WSCD2: variants seen among roughly 807,000 people sequenced by gnomAD.
WSCD2 encodes the protein sialate:O-sulfotransferase 2.
WSCD2 carries 28 observed loss-of-function variants against 55.7 expected under a neutral mutation model. The observed-to-expected ratio is 0.50, with a 90% confidence interval of 0.37 to 0.69. WSCD2 has a LOEUF of 0.69. Ranked by LOEUF, WSCD2 falls within the 30% of genes least tolerant of loss-of-function variation. The pLI is 0.00. For synonymous variants in WSCD2, 301 were observed against 301.9 expected, an observed-to-expected ratio of 1.00 and a Z score of 0.03; for missense variants, 616 against 762.1, an observed-to-expected ratio of 0.81 and a Z score of 2.26.
chr12:108,197,225 A>T (rs2137053382), intron 2 of WSCD2: 1 of 152,364 alleles, frequency 6.6e-6, no homozygotes, highest in African/African-American at 2.4e-5. Flanking sequence ...GATTCAACTC[A>T]TAAAAAACCC....
chr12:108,154,322 C>T (rs1322651992), intron 1 of WSCD2, among the ~76,000 whole-genome samples: 1 of 152,096 alleles, frequency 6.6e-6, no homozygotes, highest in Non-Finnish European at 1.5e-5. Flanking sequence ...TTGCCTTTCC[C>T]AGCTTCTAGA....
intron 2 of WSCD2, among the ~76,000 whole-genome samples, chr12:108,203,272 A>G (rs1318885875): frequency 6.6e-6 from 1 of 152,234 alleles, no homozygotes; most frequent in South Asian, 2.1e-4. Context: ...TGGATTTTTT[A>G]AATGAATAAT....
At chr12:108,201,639 T>C (rs1884693018) in intron 2 of WSCD2, among the ~76,000 whole-genome samples, 1 of 152,150 alleles carries the variant, frequency 6.6e-6, no homozygotes, top group Non-Finnish European at 1.5e-5. Context: ...TACTGCAGCA[T>C]CATGTGTGGG....
chr12:108,233,118 T>C (rs1390514956), intron 7 of WSCD2: 3 of 515,264 alleles, frequency 5.8e-6, no homozygotes, highest in African/African-American at 5.7e-5. Flanking sequence ...TAGCATCCAT[T>C]CAATAATTGA....
intron 1 of WSCD2, among the ~76,000 whole-genome samples, chr12:108,133,081 G>GA (rs1178238017): frequency 6.6e-6 from 1 of 152,112 alleles, no homozygotes; most frequent in African/African-American, 2.4e-5. Flanking sequence ...GTGGGTGTGT[G>GA]ACTGTGTGTA....
intron 1 of WSCD2, among the ~76,000 whole-genome samples, chr12:108,151,161 A>G (rs1350233145): frequency 6.6e-6 from 1 of 152,032 alleles, no homozygotes; most frequent in Admixed American, 6.5e-5. Flanking sequence ...CTGACCTACC[A>G]TCTACTACAG....
chr12:108,179,208 T>C (rs1277277379), intron 1 of WSCD2, among the ~76,000 whole-genome samples: 2 of 149,120 alleles, frequency 1.3e-5, no homozygotes, highest in Non-Finnish European at 3.0e-5. Context: ...CTGTTAGAAA[T>C]GCACGTTTTC....
chr12:108,239,045 AG>A (rs1889497291), intron 7 of WSCD2, among the ~76,000 whole-genome samples: 1 of 152,214 alleles, frequency 6.6e-6, no homozygotes, highest in Non-Finnish European at 1.5e-5. Flanking sequence ...AGCTTTTGAA[AG>A]GAAAATCTGA....
intron 1 of WSCD2, among the ~76,000 whole-genome samples, chr12:108,185,145 C>G (rs1356020236): frequency 1.3e-5 from 2 of 152,212 alleles, no homozygotes; most frequent in Non-Finnish European, 2.9e-5. Context: ...ATTCTAAATC[C>G]TCCCACAAGC....
intron 4 of WSCD2, among the ~76,000 whole-genome samples, chr12:108,215,526 C>CA (rs1400329254): frequency 9.2e-5 from 14 of 152,108 alleles, no homozygotes; most frequent in Non-Finnish European, 5.9e-5. Context: ...TTTGAATTTC[C>CA]AACAGCCCAC....
At chr12:108,160,465 C>T (rs1878947333) in intron 1 of WSCD2, among the ~76,000 whole-genome samples, 1 of 152,100 alleles carries the variant, frequency 6.6e-6, no homozygotes, top group African/African-American at 2.4e-5. Context: ...AACTTACAGT[C>T]ATAGCAGAAG....
chr12:108,213,721 T>G (rs566677671), intron 4 of WSCD2, among the ~76,000 whole-genome samples: 3 of 152,328 alleles, frequency 2.0e-5, no homozygotes, highest in Non-Finnish European at 4.4e-5. Context: ...AGGAAATGAC[T>G]GGCAGGCATG....
chr12:108,203,493 G>A (rs1430383468), intron 2 of WSCD2, among the ~76,000 whole-genome samples: 1 of 152,140 alleles, frequency 6.6e-6, no homozygotes, highest in Non-Finnish European at 1.5e-5. Context: ...AACACTGGCT[G>A]CTGGGATGGA....
rs190242019 is a variant in WSCD2 at position 108,167,995 on chromosome 12, C to T, written c.-551-27287C>T. ...GCTGCAATCAACTGATGTCCCATTGCTTTTTTCAAATAAATAACAAATTTT... is the reference window on the plus strand; with the variant it reads ...GCTGCAATCAACTGATGTCCCATTGTTTTTTTCAAATAAATAACAAATTTT... On this transcript the variant is annotated intron_variant, in intron 1 of 8. Transcript: ENST00000547525. Among the ~76,000 whole-genome samples, 323 of 152,252 alleles carry T rather than the reference C, an allele frequency of 2.1e-3. 1 individual carries two copies. Among genetic ancestry groups the T allele is most frequent in the African/African-American group, 7.1e-3 (295 of 41,534 alleles).
intron 1 of WSCD2, among the ~76,000 whole-genome samples, chr12:108,188,024 A>G (rs562838206): frequency 1.3e-5 from 2 of 152,368 alleles, no homozygotes; most frequent in Admixed American, 6.5e-5. Flanking sequence ...TTTATTTATA[A>G]CGGACACCAT....
intron 2 of WSCD2, among the ~76,000 whole-genome samples, chr12:108,197,567 G>T (rs368907860): frequency 6.6e-6 from 1 of 152,160 alleles, no homozygotes; most frequent in Non-Finnish European, 1.5e-5. Flanking sequence ...GCTCCTGAGA[G>T]TTCAATGAGA....
At chr12:108,246,946 A>G (rs941469660) in intron 8 of WSCD2, among the ~76,000 whole-genome samples, 1 of 152,162 alleles carries the variant, frequency 6.6e-6, no homozygotes, top group South Asian at 2.1e-4. Context: ...ACAGAATAAT[A>G]TCAGTAATAA....
At position 108,227,001 on chromosome 12, in the gene WSCD2, G is replaced by A; in HGVS notation, c.816G>A (p.Leu272=). The change falls in exon 6 of 9, where the codon CTG becomes CTA. Residue 272 remains leucine (L), a synonymous_variant. Coordinates refer to ENST00000547525, the MANE Select transcript of WSCD2 (RefSeq NM_014653.4). ...CACTCCATCCCCAGGAGTACCCGCT[G>A]GCAGCTCTTGCAGGCACCGCCTGCC... is the stretch of plus-strand genomic sequence containing the variant. The part of the protein sequence containing the change: ...VDFCTEKEYP[L]AALAGTACHC... 1 of 1,613,624 alleles carries A rather than the reference G, an allele frequency of 6.2e-7. No individual in the cohort carries two copies.
At chr12:108,231,044 GA>G (rs1290617547) in intron 6 of WSCD2, among the ~76,000 whole-genome samples, 1 of 152,138 alleles carries the variant, frequency 6.6e-6, no homozygotes, top group Non-Finnish European at 1.5e-5. Flanking sequence ...AGCTGAGAGA[GA>G]AAAAATATTG....
Sources: allele counts gnomAD v4.1 joint callset (sites outside exome capture counted in the v4.1 genomes callset), GRCh38; gene constraint gnomAD v4.1.1; transcripts MANE v1.5; gene names NCBI Gene and HGNC (gene_info 2026-07-23, HGNC 2026-07-21).